The following LRP1B variants were observed in gnomAD, a reference collection of about 807,000 sequenced individuals.
LRP1B encodes low-density lipoprotein receptor-related protein 1B.
Under a neutral mutation model 556.6 loss-of-function variants are expected in LRP1B, and 217 were observed. The ratio of observed to expected loss-of-function variants is 0.39; its 90% CI spans 0.35 to 0.44. LRP1B has a LOEUF of 0.44. Among genes scored for constraint, LRP1B ranks in the 20% least tolerant of loss-of-function variants. LRP1B has a pLI of 1.00. For synonymous variants in LRP1B, 2,047 were observed against 1,865.8 expected (o/e 1.10, Z -2.50); for missense variants, 5,053 against 5,620.8 (o/e 0.90, Z 3.23).
intron 23 of LRP1B, among the ~76,000 whole-genome samples, chr2:140,892,703 C>T (rs1276631974): frequency 6.6e-6 from 1 of 151,984 alleles, no homozygotes; most frequent in East Asian, 1.9e-4. Flanking sequence ...TATAAGAATG[C>T]CGGTAAATGT....
At chr2:140,574,828 A>T (rs1249638582) in intron 43 of LRP1B, among the ~76,000 whole-genome samples, 1 of 152,188 alleles carries the variant, frequency 6.6e-6, no homozygotes, top group Non-Finnish European at 1.5e-5. Flanking sequence ...ATTAAATCAT[A>T]CTGAAAAAAG....
intron 3 of LRP1B, among the ~76,000 whole-genome samples, chr2:141,323,543 C>T (rs1208031171): frequency 6.6e-6 from 1 of 151,976 alleles, no homozygotes; most frequent in East Asian, 1.9e-4. Context: ...GTATTCTGAC[C>T]TAATGGCTCT....
intron 17 of LRP1B, among the ~76,000 whole-genome samples, chr2:140,985,804 A>G (rs1301449259): frequency 5.9e-5 from 9 of 151,850 alleles, no homozygotes; most frequent in Non-Finnish European, 5.9e-5. Context: ...AATATCATTA[A>G]CATCAGTTTA....
intron 55 of LRP1B, among the ~76,000 whole-genome samples, chr2:140,499,511 A>G (rs1294920560): frequency 2.6e-5 from 4 of 151,842 alleles, no homozygotes; most frequent in Non-Finnish European, 1.5e-5. Flanking sequence ...ATACTCTGTT[A>G]GGTGATTTGT....
intron 3 of LRP1B, among the ~76,000 whole-genome samples, chr2:141,433,995 G>A (rs1394268939): frequency 6.6e-6 from 1 of 151,346 alleles, no homozygotes; most frequent in Non-Finnish European, 1.5e-5. Flanking sequence ...TTTACTTGAT[G>A]AGTTGTTTCC....
chr2:142,037,232 T>G (rs1277914320), intron 1 of LRP1B, among the ~76,000 whole-genome samples: 1 of 151,680 alleles, frequency 6.6e-6, no homozygotes, highest in Non-Finnish European at 1.5e-5. Flanking sequence ...GCATTCTCTC[T>G]GAGAAAGCCT....
intron 3 of LRP1B, among the ~76,000 whole-genome samples, chr2:141,255,179 A>G (rs1469696187): frequency 6.6e-6 from 1 of 152,094 alleles, no homozygotes; most frequent in Non-Finnish European, 1.5e-5. Flanking sequence ...AAAAGTTAGC[A>G]AACCTTCAGA....
At chr2:140,364,842 G>C (rs150511623) in intron 71 of LRP1B, 59 bp from the exon 72 acceptor site, 1 of 1,511,996 alleles carries the variant, frequency 6.6e-7, no homozygotes, top group Non-Finnish European at 9.1e-7. Flanking sequence ...CAGTCAGCAG[G>C]ATCCATATTC....
At chr2:140,629,699 C>T (rs1456457060) in intron 41 of LRP1B, among the ~76,000 whole-genome samples, 2 of 152,088 alleles carry the variant, frequency 1.3e-5, no homozygotes, top group African/African-American at 4.8e-5. Flanking sequence ...GGACTACAAA[C>T]ACATGTAAAG....
chr2:140,584,557 A>G (rs1300930952), intron 43 of LRP1B, among the ~76,000 whole-genome samples: 1 of 152,126 alleles, frequency 6.6e-6, no homozygotes, highest in Non-Finnish European at 1.5e-5. Flanking sequence ...ATGTTAAATC[A>G]ATCCATCAGT....
chr2:141,290,221 G>C (rs1237448123), intron 3 of LRP1B, among the ~76,000 whole-genome samples: 4 of 152,086 alleles, frequency 2.6e-5, no homozygotes. Flanking sequence ...CTACTTCATG[G>C]AGGAAATATC....
chr2:141,143,762 A>C (rs1303122636), intron 7 of LRP1B, among the ~76,000 whole-genome samples: 3 of 151,964 alleles, frequency 2.0e-5, no homozygotes, highest in African/African-American at 7.3e-5. Context: ...ATCTCCCCCC[A>C]GTCTTCCCAC....
chr2:141,029,562 T>C (rs1698308825), intron 11 of LRP1B, among the ~76,000 whole-genome samples: 1 of 152,134 alleles, frequency 6.6e-6, no homozygotes, highest in Non-Finnish European at 1.5e-5. Context: ...GTTTGCATAA[T>C]GCCGGCTGCT....
chr2:141,445,174 G>T (rs1217084384), intron 3 of LRP1B, among the ~76,000 whole-genome samples: 1 of 152,160 alleles, frequency 6.6e-6, no homozygotes, highest in Admixed American at 6.5e-5. Context: ...ATGTGTCCAA[G>T]AATTTATCCA....
intron 88 of LRP1B, among the ~76,000 whole-genome samples, 177 bp downstream of exon 88, chr2:140,239,265 A>C (rs978388209): frequency 2.0e-5 from 3 of 150,980 alleles, no homozygotes; most frequent in Non-Finnish European, 4.5e-5. Flanking sequence ...AACATGGGAG[A>C]AGACTTGTCT....
At chr2:141,161,641 G>A (rs185205114) in intron 7 of LRP1B, among the ~76,000 whole-genome samples, 10 of 152,104 alleles carry the variant, frequency 6.6e-5, no homozygotes, top group African/African-American at 1.9e-4. Flanking sequence ...AAATAGCTTG[G>A]GAAGATAGAG....
intron 1 of LRP1B, among the ~76,000 whole-genome samples, chr2:141,900,641 A>C (rs1319311491): frequency 3.3e-5 from 5 of 152,030 alleles, no homozygotes; most frequent in Admixed American, 6.6e-5. Flanking sequence ...TCTTTTAAAG[A>C]AACTCTTTGC....
rs569411682 is a variant in LRP1B, at chr2:141,906,022, G to A, written c.83-95621C>T. ...TGTGTGTGTGTGTGTGTGTGTGTGT[G>A]TGTCTGTGTGTATATACATCTCTAA... On this transcript the variant is annotated intron_variant, in intron 1 of 90. Coordinates refer to ENST00000389484, the MANE Select transcript of LRP1B (RefSeq NM_018557.3). Among the ~76,000 whole-genome samples, 233 of 147,088 alleles carry A rather than the reference G, an allele frequency of 1.6e-3. 1 individual carries two copies. Among genetic ancestry groups the A allele is most frequent in the Non-Finnish European group, 3.0e-3 (203 of 67,104 alleles).
chr2:141,851,711 A>G (rs1450416085), intron 1 of LRP1B, among the ~76,000 whole-genome samples: 1 of 151,816 alleles, frequency 6.6e-6, no homozygotes, highest in Non-Finnish European at 1.5e-5. Flanking sequence ...TAGTTTTACA[A>G]TTAAGTCCCC....
Sources: allele counts gnomAD v4.1 joint callset (sites outside exome capture counted in the v4.1 genomes callset), GRCh38; gene constraint gnomAD v4.1.1; transcripts MANE v1.5; gene names NCBI Gene and HGNC (gene_info 2026-07-23, HGNC 2026-07-21).